EFHD1: variants seen among roughly 807,000 people sequenced by gnomAD.
The protein encoded by EFHD1 is EF-hand domain-containing protein D1.
Under a neutral mutation model 17.2 loss-of-function variants are expected in EFHD1, and 10 were observed. The ratio of observed to expected loss-of-function variants is 0.58; its 90% CI spans 0.36 to 0.99. The LOEUF is 0.99. Ranked by LOEUF, EFHD1 falls within the 50% of genes least tolerant of loss-of-function variation. EFHD1 has a pLI of 0.01. For missense variants in EFHD1, 310 were observed against 327.5 expected (o/e 0.95, Z 0.41); for synonymous variants, 153 against 142.0 (o/e 1.08, Z -0.55).
chr2:232,637,911 G>C (rs2106195788), intron 1 of EFHD1, among the ~76,000 whole-genome samples: 1 of 152,252 alleles, frequency 6.6e-6, no homozygotes, highest in South Asian at 2.1e-4. Flanking sequence ...AGTTTGTTGG[G>C]TGCTTGGAGT....
At chr2:232,608,373 A>G (rs1693756462) in intron 1 of EFHD1, among the ~76,000 whole-genome samples, 1 of 152,224 alleles carries the variant, frequency 6.6e-6, no homozygotes, top group African/African-American at 2.4e-5. Context: ...AAATAAATAA[A>G]TAAATGAATT....
chr2:232,660,234 A>C (rs930539441), intron 1 of EFHD1, among the ~76,000 whole-genome samples: 1 of 151,136 alleles, frequency 6.6e-6, no homozygotes, highest in Non-Finnish European at 1.5e-5. Flanking sequence ...TTGCTCTGTC[A>C]CCCAGGCTGG....
intron 1 of EFHD1, among the ~76,000 whole-genome samples, chr2:232,609,886 C>T (rs1693780650): frequency 6.6e-6 from 1 of 152,230 alleles, no homozygotes; most frequent in Non-Finnish European, 1.5e-5. Flanking sequence ...TCCGGGTCTC[C>T]TTTCTCAGAG....
intron 1 of EFHD1, among the ~76,000 whole-genome samples, chr2:232,615,175 T>A (rs1439967164): frequency 6.6e-6 from 1 of 151,734 alleles, no homozygotes; most frequent in Non-Finnish European, 1.5e-5. Context: ...GTTAACTGAC[T>A]GTTTGCGCTA....
intron 3 of EFHD1, among the ~76,000 whole-genome samples, chr2:232,673,238 G>T (rs552709795): frequency 3.3e-5 from 5 of 152,190 alleles, no homozygotes; most frequent in Non-Finnish European, 7.3e-5. Context: ...GGAGGGAAGG[G>T]CTATTTTGCA....
chr2:232,654,099 C>T (rs1234595821), intron 1 of EFHD1, among the ~76,000 whole-genome samples: 5 of 151,262 alleles, frequency 3.3e-5, no homozygotes, highest in Middle Eastern at 3.4e-3. Flanking sequence ...CCCAGCTACT[C>T]GGGAGGCTGA....
intron 1 of EFHD1, among the ~76,000 whole-genome samples, chr2:232,626,749 A>G (rs1009228274): frequency 2.0e-5 from 3 of 152,148 alleles, no homozygotes; most frequent in African/African-American, 7.2e-5. Flanking sequence ...TTTTGCCTGG[A>G]AGCACAGCTG....
intron 2 of EFHD1, among the ~76,000 whole-genome samples, chr2:232,671,570 C>CA (rs1199758774): frequency 2.0e-5 from 3 of 148,958 alleles, no homozygotes; most frequent in Non-Finnish European, 4.5e-5. Flanking sequence ...TACTAAAATA[C>CA]AAAAAAATTA....
intron 3 of EFHD1, among the ~76,000 whole-genome samples, chr2:232,672,697 G>T (rs1295489569): frequency 6.6e-6 from 1 of 152,206 alleles, no homozygotes; most frequent in Non-Finnish European, 1.5e-5. Flanking sequence ...CAATAGAATT[G>T]CCTGAATGAT....
intron 1 of EFHD1, among the ~76,000 whole-genome samples, chr2:232,649,020 G>A: frequency 6.6e-6 from 1 of 152,266 alleles, no homozygotes; most frequent in Non-Finnish European, 1.5e-5. Context: ...AACCTCTGGT[G>A]GACAAAGGCT....
At chr2:232,633,458 G>A (rs1694241292), upstream of EFHD1, 3 of 1,226,010 alleles carry the variant, frequency 2.4e-6, no homozygotes, top group Non-Finnish European at 3.0e-6. Context: ...GGGACGCGCA[G>A]ACACCCAGAC....
At chr2:232,625,714 T>C (rs1222358921) in intron 1 of EFHD1, among the ~76,000 whole-genome samples, 2 of 152,156 alleles carry the variant, frequency 1.3e-5, no homozygotes, top group Non-Finnish European at 2.9e-5. Context: ...ATTTTCATAA[T>C]ACTAAGACAG....
intron 1 of EFHD1, among the ~76,000 whole-genome samples, chr2:232,627,313 CA>C (rs1307771103): frequency 1.3e-5 from 2 of 150,374 alleles, no homozygotes; most frequent in East Asian, 3.9e-4. Flanking sequence ...TCAACATAGC[CA>C]ATGGTACAAA....
chr2:232,676,791 A>G (rs1285311479), intron 3 of EFHD1, among the ~76,000 whole-genome samples: 1 of 152,152 alleles, frequency 6.6e-6, no homozygotes, highest in African/African-American at 2.4e-5. Context: ...AGAAGGTGTA[A>G]TCAGAGGTAT....
chr2:232,672,966 C>T (rs1695106639), intron 3 of EFHD1, among the ~76,000 whole-genome samples: 4 of 152,188 alleles, frequency 2.6e-5, no homozygotes, highest in Admixed American at 2.6e-4. Context: ...CCAGTGCTCT[C>T]ATCTGACAGT....
intron 1 of EFHD1, among the ~76,000 whole-genome samples, chr2:232,643,783 A>C (rs2106199408): frequency 6.6e-6 from 1 of 152,270 alleles, no homozygotes; most frequent in Non-Finnish European, 1.5e-5. Context: ...TCCTGGGTTC[A>C]AGTGACCCCC....
chr2:232,660,083 G>C (rs1469726195), intron 1 of EFHD1, among the ~76,000 whole-genome samples: 1 of 152,178 alleles, frequency 6.6e-6, no homozygotes, highest in East Asian at 1.9e-4. Context: ...ACTACAGTTC[G>C]ACATGAGATT....
At chr2:232,645,615 G>T (rs1251929932) in intron 1 of EFHD1, among the ~76,000 whole-genome samples, 1 of 152,162 alleles carries the variant, frequency 6.6e-6, no homozygotes, top group Non-Finnish European at 1.5e-5. Context: ...CTCTCTAAAT[G>T]CGTCGTGCCT....
intron 3 of EFHD1, among the ~76,000 whole-genome samples, chr2:232,677,015 C>T (rs141595237): frequency 1.4e-5 from 2 of 144,642 alleles, no homozygotes; most frequent in East Asian, 3.9e-4. Context: ...CAAAACAAAA[C>T]AAAACAAAAA....
Sources: allele counts gnomAD v4.1 joint callset (sites outside exome capture counted in the v4.1 genomes callset), GRCh38; gene constraint gnomAD v4.1.1; transcripts MANE v1.5; gene names NCBI Gene and HGNC (gene_info 2026-07-23, HGNC 2026-07-21).